Variants in CUBN observed in about 807,000 individuals in gnomAD.
CUBN encodes the protein 460 kDa receptor.
A neutral mutation model predicts 405.3 loss-of-function variants in CUBN; 282 were observed. That is an observed-to-expected ratio of 0.70 (90% CI 0.63 to 0.77). CUBN has a LOEUF of 0.77. Ranked by LOEUF, CUBN falls within the 30% of genes least tolerant of loss-of-function variation. The pLI is 0.00. For synonymous variants in CUBN, 1,684 were observed against 1,617.0 expected, an observed-to-expected ratio of 1.04 and a Z score of -0.99; for missense variants, 4,514 against 4,475.2, an observed-to-expected ratio of 1.01 and a Z score of -0.25.
chr10:17,060,592 A>C (rs1278982785), intron 22 of CUBN, among the ~76,000 whole-genome samples: 1 of 152,270 alleles, frequency 6.6e-6, no homozygotes, highest in Admixed American at 6.5e-5. Flanking sequence ...TGTACATACA[A>C]AATTATGAGA....
At chr10:17,117,053 GCTCA>G (rs1836918529) in intron 6 of CUBN, among the ~76,000 whole-genome samples, 1 of 152,124 alleles carries the variant, frequency 6.6e-6, no homozygotes, top group South Asian at 2.1e-4. Context: ...CTTTGGAACG[GCTCA>G]CTAAGATAAA....
intron 62 of CUBN, among the ~76,000 whole-genome samples, chr10:16,837,835 T>C (rs142552930): frequency 2.6e-5 from 4 of 152,266 alleles, no homozygotes; most frequent in Admixed American, 1.3e-4. Context: ...TGGAAAACAT[T>C]ATTCAGTCAT....
rs372607953 is a variant in CUBN at position 16,952,302 on chromosome 10, C to T, written c.4943G>A (p.Ser1648Asn). 4.3e-6 allele frequency: 7 copies of T among 1,613,436 alleles called. No homozygotes were observed. The African/African-American group carries it at 9.3e-5, about 22-fold the overall frequency. ...TGGAGGTTGCGCTTGAATGATCCAGCTGCAGTTCTGATTGTTTGGATAATT... is the reference window on the plus strand; with the variant it reads ...TGGAGGTTGCGCTTGAATGATCCAGTTGCAGTTCTGATTGTTTGGATAATT... ...PANYPNNQNCSWIIQAQPPLN... is the reference protein window; with the variant it reads ...PANYPNNQNCNWIIQAQPPLN... The change falls in exon 33 of 67, where the codon AGC (serine) becomes AAC (asparagine). Residue 1648 changes from serine to asparagine, a missense_variant. Physicochemically the swap from Ser to Asn is conservative, Grantham distance 46. This residue lies in a region of CUBN where 1,613 missense variants were observed against 1,542.8 expected (regional missense o/e 1.05). Coordinates refer to ENST00000377833, the MANE Select transcript of CUBN (RefSeq NM_001081.4).
intron 14 of CUBN, among the ~76,000 whole-genome samples, chr10:17,096,377 A>G (rs1387754712): frequency 1.3e-5 from 2 of 152,168 alleles, no homozygotes; most frequent in Non-Finnish European, 2.9e-5. Flanking sequence ...ATATCAAAAT[A>G]TCAAAACATT....
At chr10:16,957,102 G>A (rs1288099842) in intron 31 of CUBN, among the ~76,000 whole-genome samples, 2 of 152,102 alleles carry the variant, frequency 1.3e-5, no homozygotes, top group Non-Finnish European at 2.9e-5. Context: ...TACTGTGGGT[G>A]CCCTACTGTG....
chr10:17,109,083 T>C (rs1443657143), intron 10 of CUBN, among the ~76,000 whole-genome samples: 3 of 152,248 alleles, frequency 2.0e-5, no homozygotes, highest in Non-Finnish European at 4.4e-5. Context: ...TTATACACTG[T>C]CGGTGAATAC....
chr10:16,898,788 C>A (rs1841270179), intron 54 of CUBN, among the ~76,000 whole-genome samples: 1 of 152,076 alleles, frequency 6.6e-6, no homozygotes, highest in Admixed American at 6.6e-5. Flanking sequence ...TTATAAAGGG[C>A]ATTTTTCCCT....
At chr10:16,947,126 T>G in intron 36 of CUBN, 109 bp downstream of exon 36, 2 of 1,202,504 alleles carry the variant, frequency 1.7e-6, no homozygotes, top group Non-Finnish European at 2.5e-6. Context: ...TTTGGAAAAA[T>G]ACTTCCTAAA....
intron 59 of CUBN, among the ~76,000 whole-genome samples, chr10:16,852,286 T>C (rs1171253367): frequency 7.6e-6 from 1 of 131,798 alleles, no homozygotes; most frequent in Non-Finnish European, 1.6e-5. Context: ...TTTCCCTTCC[T>C]CACTCTATCT....
At chr10:17,010,472 C>G (rs1040198325) in intron 28 of CUBN, among the ~76,000 whole-genome samples, 2 of 150,858 alleles carry the variant, frequency 1.3e-5, no homozygotes, top group African/African-American at 4.9e-5. Context: ...AAGACCTCAA[C>G]TCTACTAAAA....
intron 54 of CUBN, 101 bp downstream of exon 54, chr10:16,898,895 G>T: frequency 1.1e-6 from 1 of 875,782 alleles, no homozygotes; most frequent in Non-Finnish European, 1.9e-6. Context: ...AATCCAGGCA[G>T]CAAAATTTTC....
chr10:17,060,620 A>G (rs182622109), intron 22 of CUBN, among the ~76,000 whole-genome samples: 1 of 152,368 alleles, frequency 6.6e-6, no homozygotes, highest in East Asian at 1.9e-4. Context: ...AGCCAGTAAG[A>G]AAGTAAATCT....
intron 51 of CUBN, among the ~76,000 whole-genome samples, chr10:16,903,528 T>C (rs1841460106): frequency 1.3e-5 from 2 of 151,536 alleles, no homozygotes; most frequent in African/African-American, 4.8e-5. Context: ...ATAGACAACA[T>C]ATTAAAACTA....
At position 16,897,962 on chromosome 10, in the gene CUBN, T is replaced by A. The variant is rs1044504003; in HGVS notation, c.8598+1034A>T. ...AACTGGAGCACTTGAAAGTTTTACT[T>A]AAGTCTGAATACTTGATATTGATTC... On this transcript the variant is annotated intron_variant, in intron 54 of 66. Coordinates refer to ENST00000377833, the MANE Select transcript of CUBN (RefSeq NM_001081.4). Among the ~76,000 whole-genome samples the A allele has an allele frequency of 3.3e-5, 5 of 152,110 alleles. No homozygotes were observed. The South Asian group carries it at 8.3e-4, about 25-fold the overall frequency.
At chr10:16,973,177 C>T (rs945428651) in intron 31 of CUBN, among the ~76,000 whole-genome samples, 3 of 152,194 alleles carry the variant, frequency 2.0e-5, no homozygotes, top group South Asian at 2.1e-4. Context: ...ACAACACTCT[C>T]ATTTTTTATT....
chr10:17,101,730 C>T (rs1021312889), intron 13 of CUBN, among the ~76,000 whole-genome samples: 1 of 152,058 alleles, frequency 6.6e-6, no homozygotes, highest in African/African-American at 2.4e-5. Flanking sequence ...GTTCACGGAG[C>T]GGCTCAGAGT....
chr10:16,865,192 A>C (rs991657098), intron 59 of CUBN, among the ~76,000 whole-genome samples: 4 of 148,918 alleles, frequency 2.7e-5, no homozygotes, highest in Non-Finnish European at 5.9e-5. Context: ...CTGGTCTTGG[A>C]CTCCTGACCT....
At chr10:17,105,915 C>A (rs763373408) in intron 10 of CUBN, among the ~76,000 whole-genome samples, 4 of 152,278 alleles carry the variant, frequency 2.6e-5, no homozygotes, top group Admixed American at 2.6e-4. Context: ...GGAGTTAATG[C>A]AGAAAAGGAG....
At chr10:17,047,233 T>C (rs1463482704) in intron 23 of CUBN, among the ~76,000 whole-genome samples, 181 bp downstream of exon 23, 1 of 152,198 alleles carries the variant, frequency 6.6e-6, no homozygotes, top group African/African-American at 2.4e-5. Flanking sequence ...CAGAATCTTA[T>C]GCAATTCCTG....
Sources: allele counts gnomAD v4.1 joint callset (sites outside exome capture counted in the v4.1 genomes callset), GRCh38; gene constraint gnomAD v4.1.1; regional missense constraint gnomAD v4.1.1; transcripts MANE v1.5; gene names NCBI Gene and HGNC (gene_info 2026-07-23, HGNC 2026-07-21).